The following ANTXR2 variants were observed in gnomAD, a reference collection of about 807,000 sequenced individuals.
The protein encoded by ANTXR2 is ANTXR cell adhesion molecule 2, also known as anthrax toxin receptor 2.
A neutral mutation model predicts 73.7 loss-of-function variants in ANTXR2; 44 were observed. The observed-to-expected ratio is 0.60, with a 90% CI of 0.47 to 0.77. ANTXR2 has a LOEUF of 0.77. ANTXR2 is among the 30% of genes least tolerant of loss of function. The probability of loss-of-function intolerance (pLI) is 0.00; values close to 1 mark genes in which losing one functional copy is unlikely to be tolerated. For synonymous variants in ANTXR2, 217 were observed against 205.9 expected, an observed-to-expected ratio of 1.05 and a Z score of -0.46; for missense variants, 604 against 592.5, an observed-to-expected ratio of 1.02 and a Z score of -0.20.
intron 16 of ANTXR2, among the ~76,000 whole-genome samples, chr4:79,959,132 G>T (rs1250067841): frequency 6.6e-6 from 1 of 151,802 alleles, no homozygotes; most frequent in African/African-American, 2.4e-5. Flanking sequence ...TAGCCTAAAG[G>T]AAAATGATTG....
chr4:79,981,090 G>A (rs988239666), intron 14 of ANTXR2, among the ~76,000 whole-genome samples: 7 of 152,068 alleles, frequency 4.6e-5, no homozygotes, highest in Non-Finnish European at 1.0e-4. Context: ...AACATAATGA[G>A]AACTCCCCAT....
Position 79,984,698 on chromosome 4 carries a change from A to T in ANTXR2, c.1086+121T>A, listed in dbSNP as rs1480799482. 1.6e-5 allele frequency: 14 copies of T among 872,032 alleles called. No individual in the cohort carries two copies. The East Asian group carries it at 2.9e-4, about 18-fold the overall frequency. The allele number at this position is 872,032 out of a possible 1,614,324, so 54.0% of individuals were successfully genotyped here. A position where few individuals can be genotyped will look rare whatever the true frequency, so the allele number is the denominator to read the frequency against. Reference sequence around the variant, plus strand: ...GAAAAATAACCACTGATTTGTATAAATTAAAAAGTCAGTACATAGGTATCA... The same window carrying T: ...GAAAAATAACCACTGATTTGTATAATTTAAAAAGTCAGTACATAGGTATCA... On this transcript the variant is annotated intron_variant, in intron 13 of 16. Transcript: ENST00000403729.
chr4:79,924,195 C>A (rs1727695281), intron 16 of ANTXR2, among the ~76,000 whole-genome samples: 1 of 152,080 alleles, frequency 6.6e-6, no homozygotes, highest in African/African-American at 2.4e-5. Flanking sequence ...ATCTTTATGT[C>A]CATGCCCAAA....
At chr4:80,028,159 T>C (rs1019857429) in intron 10 of ANTXR2, among the ~76,000 whole-genome samples, 3 of 152,076 alleles carry the variant, frequency 2.0e-5, no homozygotes, top group Non-Finnish European at 4.4e-5. Context: ...AAAATCTATA[T>C]CAAATAAAGA....
At chr4:79,978,438 G>C (rs1019193861) in intron 14 of ANTXR2, among the ~76,000 whole-genome samples, 2 of 150,990 alleles carry the variant, frequency 1.3e-5, no homozygotes, top group Non-Finnish European at 2.9e-5. Context: ...TTTTTCCATA[G>C]TTTTAAATAA....
chr4:80,005,360 G>A (rs773802435), intron 12 of ANTXR2, among the ~76,000 whole-genome samples: 10 of 152,046 alleles, frequency 6.6e-5, no homozygotes, highest in Admixed American at 2.0e-4. Flanking sequence ...ACAACACCAC[G>A]CTGATAAATA....
chr4:79,953,049 G>A (rs1378944055), intron 16 of ANTXR2, among the ~76,000 whole-genome samples: 2 of 151,996 alleles, frequency 1.3e-5, no homozygotes, highest in East Asian at 1.9e-4. Flanking sequence ...TGTGAAATAG[G>A]GAATGTAAGG....
At chr4:79,998,617 T>C (rs1730851940) in intron 12 of ANTXR2, among the ~76,000 whole-genome samples, 2 of 152,026 alleles carry the variant, frequency 1.3e-5, no homozygotes, top group African/African-American at 4.8e-5. Context: ...TCACTAACAA[T>C]TCAAAACAGG....
intron 3 of ANTXR2, among the ~76,000 whole-genome samples, chr4:80,062,406 G>A: frequency 6.6e-6 from 1 of 152,120 alleles, no homozygotes; most frequent in Non-Finnish European, 1.5e-5. Context: ...CCACTTCCGT[G>A]TGCCAGGTCT....
intron 16 of ANTXR2, among the ~76,000 whole-genome samples, chr4:79,912,972 T>G (rs1387256693): frequency 1.3e-5 from 2 of 152,212 alleles, no homozygotes; most frequent in Non-Finnish European, 2.9e-5. Flanking sequence ...TCGCATTCTA[T>G]GTTTTACCTT....
intron 10 of ANTXR2, among the ~76,000 whole-genome samples, chr4:80,023,767 C>G (rs569049330): frequency 5.9e-5 from 9 of 152,154 alleles, no homozygotes; most frequent in African/African-American, 2.2e-4. Flanking sequence ...ACAGAACAGT[C>G]AAGGCAGTAA....
chr4:80,048,954 G>A (rs189309623), intron 7 of ANTXR2, among the ~76,000 whole-genome samples: 8 of 151,612 alleles, frequency 5.3e-5, no homozygotes, highest in African/African-American at 7.2e-5. Flanking sequence ...ATGGATGATC[G>A]TTCCCTTCCT....
At chr4:80,065,041 G>T (rs766854079) in intron 3 of ANTXR2, among the ~76,000 whole-genome samples, 8 of 152,110 alleles carry the variant, frequency 5.3e-5, no homozygotes, top group East Asian at 3.8e-4. Flanking sequence ...TTGTAAAGTC[G>T]AGGTAATAAC....
At chr4:79,914,138 T>C (rs543602989) in intron 16 of ANTXR2, among the ~76,000 whole-genome samples, 86 of 152,262 alleles carry the variant, frequency 5.6e-4, no homozygotes, top group African/African-American at 1.9e-3. Context: ...CTATTAAGGA[T>C]ACTGATATTA....
At chr4:80,003,741 A>T (rs968121723) in intron 12 of ANTXR2, among the ~76,000 whole-genome samples, 1 of 152,170 alleles carries the variant, frequency 6.6e-6, no homozygotes, top group South Asian at 2.1e-4. Context: ...GAATGGCAAT[A>T]ATAAAAATAG....
chr4:79,997,703 T>A (rs1208563498), intron 12 of ANTXR2, among the ~76,000 whole-genome samples: 1 of 151,980 alleles, frequency 6.6e-6, no homozygotes, highest in Non-Finnish European at 1.5e-5. Flanking sequence ...AGTAAATAAG[T>A]AGCCTGAAAT....
intron 16 of ANTXR2, among the ~76,000 whole-genome samples, chr4:79,926,954 C>CACACAT (rs10674129): frequency 8.1e-6 from 1 of 123,794 alleles, no homozygotes; most frequent in Non-Finnish European, 1.7e-5. Flanking sequence ...TGTATATATA[C>CACACAT]GTGTGCATAT....
chr4:79,921,300 A>G (rs562922363), intron 16 of ANTXR2, among the ~76,000 whole-genome samples: 4 of 152,178 alleles, frequency 2.6e-5, no homozygotes, highest in Non-Finnish European at 5.9e-5. Context: ...GATTTTCCTA[A>G]TGTATATGGC....
Position 79,903,509 on chromosome 4 carries a change from A to T in ANTXR2, c.*3920T>A, listed in dbSNP as rs1227155174. 6.6e-6 allele frequency: 1 copy of T among 152,176 alleles called. No homozygotes were observed. The highest frequency in any genetic ancestry group is 1.5e-5 in the Non-Finnish European group (1 of 68,036). 9.4% of individuals were successfully genotyped at this position (152,176 alleles called of 1,614,324 possible). On this transcript the variant is annotated 3_prime_UTR_variant, in exon 17 of 17. Transcript: ENST00000403729. The stretch of plus-strand genomic sequence containing the variant: ...TTTGGCAGGAGAGCACAAAAATAAA[A>T]TACATTAAAAAACCAGCGCAGAACC...
Sources: allele counts gnomAD v4.1 joint callset (sites outside exome capture counted in the v4.1 genomes callset), GRCh38; gene constraint gnomAD v4.1.1; transcripts MANE v1.5; gene names NCBI Gene and HGNC (gene_info 2026-07-23, HGNC 2026-07-21).